Variants in TMEM181 observed in about 807,000 individuals in gnomAD.
TMEM181 encodes G protein-coupled receptor 178.
In TMEM181, 39 loss-of-function variants were observed where a neutral mutation model predicts 71.9. The observed-to-expected ratio is 0.54, with a 90% CI of 0.42 to 0.71. The LOEUF is 0.71. TMEM181 is among the 30% of genes least tolerant of loss of function. The pLI, the probability that TMEM181 is intolerant of heterozygous loss-of-function variation, is 0.00. For missense variants in TMEM181, 595 were observed against 583.0 expected, an observed-to-expected ratio of 1.02 and a Z score of -0.21; for synonymous variants, 245 against 228.8, an observed-to-expected ratio of 1.07 and a Z score of -0.64.
intron 11 of TMEM181, 78 bp from the exon 12 acceptor site, chr6:158,625,026 T>C: frequency 8.7e-7 from 1 of 1,146,576 alleles, no homozygotes; most frequent in Non-Finnish European, 1.3e-6. Flanking sequence ...CCTGTGGCTT[T>C]CCTGCCTGTG....
At chr6:158,561,459 C>T (rs1237145006) in intron 1 of TMEM181, among the ~76,000 whole-genome samples, 2 of 152,206 alleles carry the variant, frequency 1.3e-5, no homozygotes, top group African/African-American at 4.8e-5. Context: ...GGAACGGTGT[C>T]TTGTGGAACT....
chr6:158,553,288 AG>A (rs1456063941), intron 1 of TMEM181, among the ~76,000 whole-genome samples: 2 of 152,140 alleles, frequency 1.3e-5, no homozygotes, highest in Non-Finnish European at 2.9e-5. Context: ...TTACATAAAA[AG>A]CTTATTTATA....
chr6:158,538,685 G>T (rs917826914), intron 1 of TMEM181, among the ~76,000 whole-genome samples: 2 of 152,186 alleles, frequency 1.3e-5, no homozygotes, highest in Non-Finnish European at 2.9e-5. Flanking sequence ...CAGGGTCTCT[G>T]CTCTCCTGGG....
chr6:158,626,555 G>T (rs974035508), intron 13 of TMEM181: 2 of 456,400 alleles, frequency 4.4e-6, no homozygotes, highest in Non-Finnish European at 8.8e-6. Context: ...CTTGTGGAGG[G>T]CGAGGACTGA....
chr6:158,560,106 G>T lies in TMEM181; in HGVS notation c.-119G>T, dbSNP rs1410290525. 1 of 984,892 alleles carries T rather than the reference G, an allele frequency of 1.0e-6. No homozygotes were observed. The highest frequency in any genetic ancestry group is 1.2e-6 in the Non-Finnish European group (1 of 829,800). 61.0% of individuals were successfully genotyped at this position (984,892 alleles called of 1,614,324 possible). ...GCGCTCTGATGAGTTTTCCGCGGCC[G>T]GCCGCTGCTCAGCCGCTGTCGCTCC... On this transcript the variant is annotated 5_prime_UTR_variant, in exon 1 of 17. Transcript: ENST00000684151.
intron 10 of TMEM181, among the ~76,000 whole-genome samples, chr6:158,615,961 A>G (rs990372776): frequency 3.3e-5 from 5 of 152,304 alleles, no homozygotes; most frequent in Admixed American, 1.3e-4. Flanking sequence ...TGTCTTGGCA[A>G]TGTGGGCTCT....
intron 10 of TMEM181, among the ~76,000 whole-genome samples, chr6:158,619,867 CAAAAAAAA>C (rs61626531): frequency 5.9e-5 from 4 of 67,746 alleles, no homozygotes; most frequent in Non-Finnish European, 1.2e-4. Context: ...GACTCCGTCT[CAAAAAAAA>C]AAAAAAAAAA....
At chr6:158,579,129 C>T (rs913108235) in intron 2 of TMEM181, among the ~76,000 whole-genome samples, 46 of 152,216 alleles carry the variant, frequency 3.0e-4, no homozygotes, top group African/African-American at 1.1e-3. Flanking sequence ...TGTGGTGGTG[C>T]ATGCCTGTAA....
chr6:158,541,560 C>G (rs558799429), intron 1 of TMEM181, among the ~76,000 whole-genome samples: 43 of 152,336 alleles, frequency 2.8e-4, no homozygotes, highest in Non-Finnish European at 5.9e-4. Context: ...TCTCCCTCTC[C>G]CCACACAAAG....
chr6:158,570,184 A>G (rs1488109260), intron 1 of TMEM181, among the ~76,000 whole-genome samples: 3 of 150,554 alleles, frequency 2.0e-5, no homozygotes, highest in Non-Finnish European at 3.0e-5. Context: ...TTTAAAAGCT[A>G]CTTGAGCTTT....
chr6:158,586,495 TAGAG>T (rs1262307814), intron 5 of TMEM181, among the ~76,000 whole-genome samples: 4 of 152,196 alleles, frequency 2.6e-5, no homozygotes, highest in African/African-American at 4.8e-5. Flanking sequence ...AACTGAGGCT[TAGAG>T]AGGTCTAAAC....
chr6:158,572,333 G>GGAC, intron 1 of TMEM181: 2 of 450,632 alleles, frequency 4.4e-6, no homozygotes, highest in Admixed American at 4.7e-5. Context: ...CTCCCTGGGT[G>GGAC]GACGTGCGGC....
chr6:158,590,612 T>A (rs756804846), intron 6 of TMEM181, among the ~76,000 whole-genome samples: 1 of 152,128 alleles, frequency 6.6e-6, no homozygotes, highest in East Asian at 1.9e-4. Flanking sequence ...TACAAGTGTG[T>A]GCCACCATGC....
At chr6:158,631,543 T>C (rs1173227311) in intron 16 of TMEM181, among the ~76,000 whole-genome samples, 154 bp downstream of exon 16, 1 of 152,180 alleles carries the variant, frequency 6.6e-6, no homozygotes, top group African/African-American at 2.4e-5. Flanking sequence ...GTTTTCACAG[T>C]ATTCAGGCTT....
chr6:158,539,151 A>G (rs1250802858), intron 1 of TMEM181, among the ~76,000 whole-genome samples: 1 of 152,196 alleles, frequency 6.6e-6, no homozygotes, highest in Non-Finnish European at 1.5e-5. Flanking sequence ...ACAGATTCAC[A>G]GCGGTTGGAA....
chr6:158,554,787 A>T (rs533134708), intron 1 of TMEM181, among the ~76,000 whole-genome samples: 4 of 152,380 alleles, frequency 2.6e-5, no homozygotes, highest in Admixed American at 1.3e-4. Flanking sequence ...TACAGCTTTC[A>T]TTTTAGAATG....
At chr6:158,625,415 T>TG (rs755083853) in intron 12 of TMEM181, among the ~76,000 whole-genome samples, 2 of 152,290 alleles carry the variant, frequency 1.3e-5, no homozygotes, top group South Asian at 2.1e-4. Flanking sequence ...CAGAGTGGCC[T>TG]GGGTCCTGCG....
intron 7 of TMEM181, among the ~76,000 whole-genome samples, chr6:158,606,973 C>T (rs932739035): frequency 6.6e-6 from 1 of 152,206 alleles, no homozygotes; most frequent in African/African-American, 2.4e-5. Context: ...GCAGGGATTA[C>T]GTTCCTTCTC....
chr6:158,571,379 A>AGCCACCGCGCCTGGCCATCTGCAG (rs1782822868), intron 1 of TMEM181, among the ~76,000 whole-genome samples: 1 of 129,392 alleles, frequency 7.7e-6, no homozygotes, highest in African/African-American at 2.9e-5. Flanking sequence ...TATAGGCGTG[A>AGCCACCGCGCCTGGCCATCTGCAG]TCTGCCCGCC....
Sources: gnomAD v4.1 joint callset for allele counts (sites outside exome capture counted in the v4.1 genomes callset) on GRCh38, gnomAD v4.1.1 for gene constraint, MANE v1.5 for transcripts, NCBI Gene and HGNC (gene_info 2026-07-23, HGNC 2026-07-21) for gene names.